Variants in CCDC178 observed in about 807,000 individuals in gnomAD.
CCDC178 encodes the protein coiled-coil domain-containing protein 178.
A neutral mutation model predicts 117.4 loss-of-function variants in CCDC178; 126 were observed. The observed-to-expected ratio is 1.07, with a 90% CI of 0.93 to 1.24. The LOEUF (loss-of-function observed/expected upper bound fraction) is 1.24, where lower values mean the gene tolerates loss of function less well. CCDC178 is among the 50% of genes most tolerant of loss of function. The pLI is 0.00. For missense variants in CCDC178, 1,030 were observed against 986.9 expected (o/e 1.04, Z -0.59); for synonymous variants, 283 against 313.4 (o/e 0.90, Z 1.02).
At chr18:33,136,923 A>G (rs1199525497) in intron 20 of CCDC178, among the ~76,000 whole-genome samples, 1 of 152,204 alleles carries the variant, frequency 6.6e-6, no homozygotes, top group Non-Finnish European at 1.5e-5. Flanking sequence ...TTAGGTGCCA[A>G]GCTATCTCTT....
chr18:33,028,523 T>A (rs961962222), intron 21 of CCDC178, among the ~76,000 whole-genome samples: 1 of 151,768 alleles, frequency 6.6e-6, no homozygotes, highest in African/African-American at 2.4e-5. Flanking sequence ...ATATGTTTTT[T>A]AAAAAGTTAT....
At chr18:33,035,042 G>T (rs1218632227) in intron 21 of CCDC178, among the ~76,000 whole-genome samples, 3 of 151,924 alleles carry the variant, frequency 2.0e-5, no homozygotes, top group Non-Finnish European at 4.4e-5. Context: ...GTTTATTTAA[G>T]GTCAGCTGTT....
chr18:33,205,789 G>C (rs1264055408), intron 20 of CCDC178, among the ~76,000 whole-genome samples: 1 of 152,124 alleles, frequency 6.6e-6, no homozygotes, highest in Non-Finnish European at 1.5e-5. Flanking sequence ...CAACCTCCCG[G>C]GCTCAGGTGA....
At chr18:33,002,469 A>G (rs2055657197) in intron 21 of CCDC178, among the ~76,000 whole-genome samples, 1 of 152,106 alleles carries the variant, frequency 6.6e-6, no homozygotes, top group Non-Finnish European at 1.5e-5. Flanking sequence ...AAGAAAATTT[A>G]AAATTTTTTT....
At chr18:33,243,525 A>T (rs563230095) in intron 15 of CCDC178, among the ~76,000 whole-genome samples, 57 of 151,976 alleles carry the variant, frequency 3.8e-4, no homozygotes, top group African/African-American at 1.3e-3. Context: ...TACAATTATT[A>T]TATGTCAATT....
At position 33,301,344 on chromosome 18, in the gene CCDC178, C is replaced by T. The variant is rs539190752; in HGVS notation, c.1023-8032G>A. 1.2e-4 allele frequency among the ~76,000 whole-genome samples: 19 copies of T among 152,364 alleles called. No homozygotes were observed. In the South Asian group the frequency reaches 3.7e-3, roughly 30 times the overall value. ...AGAAGCCTGACCCAGGGGCAGGGCC[C>T]TCACAGATAACCTCTACTAGGAAAA... On this transcript the variant is annotated intron_variant, in intron 11 of 22. Transcript: ENST00000383096.
chr18:33,134,994 T>C (rs1423853560), intron 20 of CCDC178, among the ~76,000 whole-genome samples: 1 of 151,898 alleles, frequency 6.6e-6, no homozygotes, highest in Non-Finnish European at 1.5e-5. Context: ...TGATATTCCA[T>C]TAAAATGGAA....
chr18:33,123,267 C>T (rs1441655387), intron 20 of CCDC178, among the ~76,000 whole-genome samples: 4 of 152,070 alleles, frequency 2.6e-5, no homozygotes, highest in Non-Finnish European at 5.9e-5. Flanking sequence ...TCCTGTTTGC[C>T]TTGGTGTACC....
At chr18:33,415,787 A>G (rs2063932034) in intron 2 of CCDC178, among the ~76,000 whole-genome samples, 1 of 152,226 alleles carries the variant, frequency 6.6e-6, no homozygotes, top group East Asian at 1.9e-4. Context: ...ATAGATATAC[A>G]CTTTTCCTTA....
intron 20 of CCDC178, among the ~76,000 whole-genome samples, chr18:33,136,390 A>G (rs2058126478): frequency 6.6e-6 from 1 of 152,166 alleles, no homozygotes; most frequent in African/African-American, 2.4e-5. Context: ...CCATAATGAC[A>G]CTATGAGGTA....
At chr18:33,286,320 C>G (rs1323194358) in intron 12 of CCDC178, among the ~76,000 whole-genome samples, 16 of 152,094 alleles carry the variant, frequency 1.1e-4, no homozygotes, top group Non-Finnish European at 1.5e-4. Flanking sequence ...ATCTACAAAA[C>G]ACATATATGA....
intron 9 of CCDC178, among the ~76,000 whole-genome samples, chr18:33,338,600 C>T (rs1376113826): frequency 6.6e-6 from 1 of 152,034 alleles, no homozygotes; most frequent in African/African-American, 2.4e-5. Context: ...TTCACAGCAA[C>T]CTGAGTGGAA....
chr18:33,195,787 T>C (rs1376176144), intron 20 of CCDC178, among the ~76,000 whole-genome samples: 1 of 152,196 alleles, frequency 6.6e-6, no homozygotes, highest in African/African-American at 2.4e-5. Context: ...GATAATAACT[T>C]ATACTACACT....
At chr18:33,166,470 A>G (rs1201081012) in intron 20 of CCDC178, among the ~76,000 whole-genome samples, 1 of 152,104 alleles carries the variant, frequency 6.6e-6, no homozygotes, top group East Asian at 1.9e-4. Context: ...TCTGATCCCA[A>G]TTGGATGGCC....
At chr18:33,143,969 T>A (rs2058240952) in intron 20 of CCDC178, among the ~76,000 whole-genome samples, 1 of 152,166 alleles carries the variant, frequency 6.6e-6, no homozygotes, top group African/African-American at 2.4e-5. Flanking sequence ...TATCAATGAC[T>A]CCTACACAGA....
intron 20 of CCDC178, among the ~76,000 whole-genome samples, chr18:33,150,640 T>C (rs1406980112): frequency 6.6e-6 from 1 of 152,054 alleles, no homozygotes; most frequent in African/African-American, 2.4e-5. Context: ...CATCACGAGA[T>C]GTTGGTGTGG....
At chr18:32,947,274 C>G (rs2054378525) in intron 22 of CCDC178, among the ~76,000 whole-genome samples, 1 of 152,206 alleles carries the variant, frequency 6.6e-6, no homozygotes, top group African/African-American at 2.4e-5. Flanking sequence ...CTCTAAGAAA[C>G]TGCAAAATAT....
Position 33,215,576 on chromosome 18 carries a change from A to G in CCDC178, c.2052T>C (p.Ser684=). 6.8e-7 allele frequency: 1 copy of G among 1,465,470 alleles called. No homozygotes were observed. Among genetic ancestry groups the G allele is most frequent in the Non-Finnish European group, 9.1e-7 (1 of 1,097,478 alleles). The allele number at this position is 1,465,470 out of a possible 1,614,324, so 90.8% of individuals were successfully genotyped here. The change falls in exon 19 of 23, where the codon AGT becomes AGC. Residue 684 remains serine, a synonymous_variant. Transcript: ENST00000383096. ...TTAATATTTCAAGTGTCTGATCAAA[A>G]CTTTTCTTTTCTTCTTCTTTTGCTT... is the stretch of plus-strand genomic sequence containing the variant. The part of the protein sequence containing the change: ...ELKAKEEEKK[S]FDQTLEILKN...
intron 15 of CCDC178, among the ~76,000 whole-genome samples, chr18:33,236,067 C>T (rs893358984): frequency 6.6e-6 from 1 of 152,186 alleles, no homozygotes; most frequent in Non-Finnish European, 1.5e-5. Context: ...TGGCATTTTA[C>T]AGATGCATTA....
Sources: allele counts gnomAD v4.1 joint callset (sites outside exome capture counted in the v4.1 genomes callset), GRCh38; gene constraint gnomAD v4.1.1; transcripts MANE v1.5; gene names NCBI Gene and HGNC (gene_info 2026-07-23, HGNC 2026-07-21).